The following PTPRD variants were observed in gnomAD, a reference collection of about 807,000 sequenced individuals.
The protein encoded by PTPRD is receptor-type tyrosine-protein phosphatase delta.
A neutral mutation model predicts 214.5 loss-of-function variants in PTPRD; 34 were observed. The observed-to-expected ratio is 0.16, with a 90% CI of 0.12 to 0.21. The LOEUF is 0.21. PTPRD is among the 10% of genes least tolerant of loss of function. The probability of loss-of-function intolerance (pLI) is 1.00; values close to 1 mark genes in which losing one functional copy is unlikely to be tolerated. For missense variants in PTPRD, 2,545 were observed against 2,398.7 expected, an observed-to-expected ratio of 1.06 and a Z score of -1.27; for synonymous variants, 1,128 against 845.7, an observed-to-expected ratio of 1.33 and a Z score of -5.79.
chr9:9,094,975 T>C (rs2099781406), intron 10 of PTPRD, among the ~76,000 whole-genome samples: 2 of 152,096 alleles, frequency 1.3e-5, no homozygotes, highest in Non-Finnish European at 2.9e-5. Context: ...GTGATAATAC[T>C]TCATGACCAA....
In PTPRD at chr9:8,471,081, A is replaced by G; in HGVS notation, c.3418T>C (p.Tyr1140His). The stretch of plus-strand genomic sequence containing the variant: ...TTCAAAGGCACAATTATTATGTAGT[A>G]ACCTCTGCACAAGAATGAATAGATA... The part of the protein sequence containing the change: ...EVPANENIKG[Y>H]YIIIVPLKKS... The change falls in exon 31 of 46, where the codon TAC (tyrosine) becomes CAC (histidine). Residue 1140 changes from tyrosine (Y) to histidine (H), a missense_variant. Transcript: ENST00000381196. 1 of 1,612,742 alleles carries G rather than the reference A, an allele frequency of 6.2e-7. No homozygotes were observed. Among genetic ancestry groups the G allele is most frequent in the Non-Finnish European group, 8.5e-7 (1 of 1,178,886 alleles).
chr9:10,261,018 G>GTATATATGTATATATGTATATA, intron 3 of PTPRD, among the ~76,000 whole-genome samples: 1 of 115,534 alleles, frequency 8.7e-6, no homozygotes, highest in African/African-American at 2.9e-5. Flanking sequence ...GTATATATGT[G>GTATATATGTATATATGTATATA]TGTATATATA....
At chr9:8,406,765 T>C (rs2130753049) in intron 35 of PTPRD, among the ~76,000 whole-genome samples, 1 of 152,308 alleles carries the variant, frequency 6.6e-6, no homozygotes, top group East Asian at 1.9e-4. Flanking sequence ...ACAATTATCA[T>C]ACTTAACACC....
Position 10,289,189 on chromosome 9 carries a change from G to A in PTPRD, c.-545+51774C>T, listed in dbSNP as rs1025814508. ...AGGTAGGTTATACAAAGTTTGGGTAGATTTATTCACAACCTTCTTATTTAT... is the reference window on the plus strand; with the variant it reads ...AGGTAGGTTATACAAAGTTTGGGTAAATTTATTCACAACCTTCTTATTTAT... On this transcript the variant is annotated intron_variant, in intron 3 of 45. Transcript: ENST00000381196. Among the ~76,000 whole-genome samples the A allele has an allele frequency of 3.3e-5, 5 of 152,116 alleles. No individual in the cohort carries two copies. In the South Asian group the frequency reaches 1.0e-3, roughly 32 times the overall value.
At chr9:10,519,529 T>G (rs1416614090) in intron 2 of PTPRD, among the ~76,000 whole-genome samples, 1 of 152,054 alleles carries the variant, frequency 6.6e-6, no homozygotes, top group Non-Finnish European at 1.5e-5. Flanking sequence ...AAATAACTTC[T>G]TAGAGCTGAG....
chr9:8,620,177 T>C lies in PTPRD; in HGVS notation c.352+13140A>G, dbSNP rs148517509. ...AATTCTCTAGGATTTTTTTCCTTTG[T>C]TTGATCTTTGCTTTTCTAATTGCCA... is the stretch of plus-strand genomic sequence containing the variant. On this transcript the variant is annotated intron_variant, in intron 14 of 45. Coordinates refer to ENST00000381196, the MANE Select transcript of PTPRD (RefSeq NM_002839.4). Among the ~76,000 whole-genome samples the C allele has an allele frequency of 2.0e-3, 308 of 152,178 alleles. 1 individual carries two copies. Among genetic ancestry groups the C allele is most frequent in the African/African-American group, 7.1e-3 (296 of 41,552 alleles).
At chr9:8,340,846 T>C (rs568184647) in intron 41 of PTPRD, among the ~76,000 whole-genome samples, 109 of 152,230 alleles carry the variant, frequency 7.2e-4, no homozygotes, top group Non-Finnish European at 1.3e-3. Flanking sequence ...ACAGATTCTT[T>C]ATTAACTACT....
chr9:9,024,208 A>T (rs751874967), intron 10 of PTPRD, among the ~76,000 whole-genome samples: 1 of 151,706 alleles, frequency 6.6e-6, no homozygotes, highest in African/African-American at 2.4e-5. Context: ...TTACTCTTCC[A>T]TGAGTATTTT....
intron 5 of PTPRD, among the ~76,000 whole-genome samples, chr9:9,934,376 A>C (rs2088226905): frequency 6.7e-6 from 1 of 148,520 alleles, no homozygotes; most frequent in Non-Finnish European, 1.5e-5. Flanking sequence ...AGATGCAATA[A>C]AAAATGATAA....
At chr9:10,010,019 T>A (rs1382930586) in intron 4 of PTPRD, among the ~76,000 whole-genome samples, 4 of 151,932 alleles carry the variant, frequency 2.6e-5, no homozygotes, top group African/African-American at 9.7e-5. Context: ...TGAAATCCCC[T>A]TGGCCGAGAG....
At chr9:9,837,414 A>C (rs2057085385) in intron 5 of PTPRD, among the ~76,000 whole-genome samples, 1 of 152,166 alleles carries the variant, frequency 6.6e-6, no homozygotes. Context: ...TTAGTCAATA[A>C]CCAAATTTTA....
At chr9:9,948,006 C>G (rs2093011223) in intron 4 of PTPRD, among the ~76,000 whole-genome samples, 1 of 151,534 alleles carries the variant, frequency 6.6e-6, no homozygotes, top group African/African-American at 2.4e-5. Flanking sequence ...TTTTTTTCTT[C>G]TTGACTTTAT....
At chr9:10,350,571 T>G (rs2097164605) in intron 2 of PTPRD, among the ~76,000 whole-genome samples, 1 of 152,182 alleles carries the variant, frequency 6.6e-6, no homozygotes, top group Non-Finnish European at 1.5e-5. Flanking sequence ...TGTCATTATT[T>G]CTATTTTACA....
At chr9:10,017,173 T>C (rs1471445700) in intron 4 of PTPRD, among the ~76,000 whole-genome samples, 1 of 152,224 alleles carries the variant, frequency 6.6e-6, no homozygotes, top group Non-Finnish European at 1.5e-5. Flanking sequence ...GACAGTCTGG[T>C]GGACATCGAA....
At chr9:9,278,380 A>T (rs1389783699) in intron 9 of PTPRD, among the ~76,000 whole-genome samples, 1 of 151,394 alleles carries the variant, frequency 6.6e-6, no homozygotes, top group Non-Finnish European at 1.5e-5. Context: ...TTCACTACAC[A>T]GCCTTATAAA....
chr9:8,448,121 T>C (rs2095805325), intron 34 of PTPRD, among the ~76,000 whole-genome samples: 1 of 151,770 alleles, frequency 6.6e-6, no homozygotes, highest in Non-Finnish European at 1.5e-5. Flanking sequence ...GCCCAGGAGT[T>C]GGAGCCCAGC....
intron 10 of PTPRD, among the ~76,000 whole-genome samples, chr9:9,061,280 T>C (rs571478582): frequency 1.3e-5 from 2 of 152,350 alleles, no homozygotes; most frequent in African/African-American, 2.4e-5. Flanking sequence ...GTGAATGGAA[T>C]TGTTGACAGT....
intron 33 of PTPRD, among the ~76,000 whole-genome samples, chr9:8,453,100 G>A (rs1313009021): frequency 6.6e-6 from 1 of 152,296 alleles, no homozygotes; most frequent in African/African-American, 2.4e-5. Context: ...AGAAGAGGAT[G>A]TCTAAGTTTT....
intron 3 of PTPRD, among the ~76,000 whole-genome samples, chr9:10,150,424 C>T (rs1053938558): frequency 2.6e-5 from 4 of 151,912 alleles, no homozygotes; most frequent in Non-Finnish European, 5.9e-5. Context: ...GAAAATCAAA[C>T]ACTGAATGTT....
Sources: gnomAD v4.1 joint callset for allele counts (sites outside exome capture counted in the v4.1 genomes callset) on GRCh38, gnomAD v4.1.1 for gene constraint, MANE v1.5 for transcripts, NCBI Gene and HGNC (gene_info 2026-07-23, HGNC 2026-07-21) for gene names.